PPP2R5C: variants seen among roughly 807,000 people sequenced by gnomAD.
PPP2R5C encodes protein phosphatase 2 regulatory subunit B'gamma, also known as serine/threonine-protein phosphatase 2A 56 kDa regulatory subunit gamma isoform.
A neutral mutation model predicts 68.9 loss-of-function variants in PPP2R5C; 7 were observed. That is an observed-to-expected ratio of 0.10 (90% CI 0.06 to 0.19). PPP2R5C has a LOEUF of 0.19. PPP2R5C is among the 10% of genes least tolerant of loss of function. The pLI, the probability that PPP2R5C is intolerant of heterozygous loss-of-function variation, is 1.00. For missense variants in PPP2R5C, 348 were observed against 641.3 expected (o/e 0.54, Z 4.94); for synonymous variants, 210 against 222.2 (o/e 0.95, Z 0.49).
At chr14:101,909,002 G>A (rs946060107) in intron 10 of PPP2R5C, among the ~76,000 whole-genome samples, 3 of 152,194 alleles carry the variant, frequency 2.0e-5, no homozygotes, top group African/African-American at 4.8e-5. Context: ...GTCTGCTGGG[G>A]GATCGGGGCT....
At chr14:101,905,524 G>A (rs1356144453) in intron 9 of PPP2R5C, among the ~76,000 whole-genome samples, 1 of 151,928 alleles carries the variant, frequency 6.6e-6, no homozygotes, top group African/African-American at 2.4e-5. Context: ...GGGTGTGGTG[G>A]CGTGCGCCTG....
rs2040997892 is a variant in PPP2R5C at position 101,835,067 on chromosome 14, A to G, written c.95-21619A>G. 6.6e-6 allele frequency among the ~76,000 whole-genome samples: 1 copy of G among 152,152 alleles called. No homozygotes were observed. On this transcript the variant is annotated intron_variant, in intron 1 of 13. Coordinates refer to ENST00000334743, the Ensembl canonical transcript of PPP2R5C. This position sits in a 1 kb window ranked among gnomAD's most constrained non-coding sequence, Gnocchi z 5.0. ...AAGCACATTCACAGTAAGGAAAAAAAAAATGCAGCCTGTGTCTTCAGGGAC... is the reference window on the plus strand; with the variant it reads ...AAGCACATTCACAGTAAGGAAAAAAGAAATGCAGCCTGTGTCTTCAGGGAC...
chr14:101,809,405 CAAA>C (rs375238074), upstream of PPP2R5C, among the ~76,000 whole-genome samples: 31 of 136,922 alleles, frequency 2.3e-4, no homozygotes, highest in African/African-American at 6.8e-4. Flanking sequence ...AAAAAAAAAA[CAAA>C]AAAAAAACAC....
chr14:101,828,172 T>C (rs2040515002), intron 1 of PPP2R5C, among the ~76,000 whole-genome samples: 1 of 152,118 alleles, frequency 6.6e-6, no homozygotes, highest in African/African-American at 2.4e-5. Flanking sequence ...ATTCTTTTCA[T>C]GTAAAATGTC....
At chr14:101,761,685 G>A (rs1227042112), upstream of PPP2R5C, 2 of 234,602 alleles carry the variant, frequency 8.5e-6, no homozygotes, top group South Asian at 1.4e-4. Context: ...AGACGCCGCC[G>A]CTGCCGCCGC....
chr14:101,873,190 A>C (rs1475241495), intron 2 of PPP2R5C, among the ~76,000 whole-genome samples: 1 of 152,126 alleles, frequency 6.6e-6, no homozygotes, highest in East Asian at 1.9e-4. Context: ...TACTGTATTC[A>C]TGTCCTTGTC....
At chr14:101,844,374 G>T (rs866485190) in intron 1 of PPP2R5C, among the ~76,000 whole-genome samples, 1 of 152,138 alleles carries the variant, frequency 6.6e-6, no homozygotes, top group East Asian at 1.9e-4. Flanking sequence ...TTCTGATATC[G>T]TGGTTTCTGG....
At chr14:101,827,773 C>T (rs2040484683) in intron 1 of PPP2R5C, among the ~76,000 whole-genome samples, 1 of 152,122 alleles carries the variant, frequency 6.6e-6, no homozygotes, top group Non-Finnish European at 1.5e-5. Flanking sequence ...CTGTGCTGCT[C>T]TTTGACAGGA....
Position 101,921,973 on chromosome 14 carries a change from A to C in PPP2R5C, c.1444-3168A>C, listed in dbSNP as rs1207409617. The C allele has an allele frequency of 5.1e-6, 5 of 983,868 alleles. No individual in the cohort carries two copies. The East Asian group carries it at 5.7e-4, about 112-fold the overall frequency. The allele number at this position is 983,868 out of a possible 1,614,324, so 60.9% of individuals were successfully genotyped here. A position where few individuals can be genotyped will look rare whatever the true frequency, so the allele number is the denominator to read the frequency against. Reference sequence around the variant, plus strand: ...GACATTTTAAATGTTTGCAATTCTCATTTTTAACAGTTGGTCGGGAGAAAA... The same window carrying C: ...GACATTTTAAATGTTTGCAATTCTCCTTTTTAACAGTTGGTCGGGAGAAAA... On this transcript the variant is annotated intron_variant, in intron 13 of 13. Coordinates refer to ENST00000334743, the Ensembl canonical transcript of PPP2R5C.
chr14:101,882,009 G>C lies in PPP2R5C; in HGVS notation c.295-152G>C. 3 of 575,042 alleles carry C rather than the reference G, an allele frequency of 5.2e-6. No individual in the cohort carries two copies. Among genetic ancestry groups the C allele is most frequent in the Non-Finnish European group, 8.8e-6 (3 of 342,564 alleles). The allele number at this position is 575,042 out of a possible 1,614,324, so 35.6% of individuals were successfully genotyped here. On this transcript the variant is annotated intron_variant, in intron 2 of 13. Coordinates refer to ENST00000334743, the Ensembl canonical transcript of PPP2R5C. This position sits in a 1 kb window ranked among gnomAD's most constrained non-coding sequence, Gnocchi z 4.9. ...TGCAGTTTTGATCCAGGCTCTCTCT[G>C]AGGACCCACACAGCTTCTGCGTTTT...
chr14:101,837,342 T>C (rs950753601), intron 1 of PPP2R5C, among the ~76,000 whole-genome samples: 8 of 152,024 alleles, frequency 5.3e-5, no homozygotes, highest in African/African-American at 1.5e-4. Flanking sequence ...AGATGGGGTT[T>C]CTCCATGTCA....
chr14:101,845,679 A>G (rs2041783161), intron 1 of PPP2R5C, among the ~76,000 whole-genome samples: 1 of 152,194 alleles, frequency 6.6e-6, no homozygotes, highest in African/African-American at 2.4e-5. Flanking sequence ...TTCATATGCA[A>G]ATAAAACCAG....
intron 2 of PPP2R5C, among the ~76,000 whole-genome samples, chr14:101,784,486 C>T (rs541344125): frequency 6.0e-5 from 9 of 150,126 alleles, no homozygotes; most frequent in African/African-American, 9.9e-5. Context: ...ACTTCTTACA[C>T]GGCAGCAGGA....
In PPP2R5C at chr14:101,797,252, C is replaced by T. The variant is rs370724654; in HGVS notation, c.259+11069C>T. The T allele has an allele frequency of 2.2e-4, 100 of 456,088 alleles. 1 individual carries two copies. The highest frequency in any genetic ancestry group is 1.7e-3 in the African/African-American group (87 of 50,208). The allele number at this position is 456,088 out of a possible 1,614,324, so 28.3% of individuals were successfully genotyped here. A position where few individuals can be genotyped will look rare whatever the true frequency, so the allele number is the denominator to read the frequency against. On this transcript the variant is annotated intron_variant, in intron 3 of 14. Coordinates refer to the PPP2R5C transcript ENST00000328724. The surrounding 1 kb of genome is among the most constrained non-coding windows in gnomAD (Gnocchi z 4.2). ...GCACGTGCCAGACCCTCGCTCCCGTCGAAGGCTGATGCCATCCTTCAGTGA... is the reference window on the plus strand; with the variant it reads ...GCACGTGCCAGACCCTCGCTCCCGTTGAAGGCTGATGCCATCCTTCAGTGA...
rs190005489 is a variant in PPP2R5C, at chr14:101,912,552, A to T, written c.1326+79A>T. The T allele has an allele frequency of 7.0e-5, 100 of 1,423,830 alleles. No homozygotes were observed. The East Asian group carries it at 2.6e-3, about 37-fold the overall frequency. The allele number at this position is 1,423,830 out of a possible 1,614,324, so 88.2% of individuals were successfully genotyped here. A position where few individuals can be genotyped will look rare whatever the true frequency, so the allele number is the denominator to read the frequency against. ...TAAGATAGGAATATATGTCTTCACC[A>T]TGGGGGGGGTCTCGATTTCACTAAC... On this transcript the variant is annotated intron_variant, in intron 12 of 13. Coordinates refer to ENST00000334743, the Ensembl canonical transcript of PPP2R5C.
At chr14:101,870,379 G>A (rs1006607209) in intron 2 of PPP2R5C, among the ~76,000 whole-genome samples, 1 of 152,098 alleles carries the variant, frequency 6.6e-6, no homozygotes, top group Non-Finnish European at 1.5e-5. Flanking sequence ...GTTCTTTGGC[G>A]TATGGATTTC....
chr14:101,823,632 A>G (rs2040221495), intron 1 of PPP2R5C: 2 of 436,214 alleles, frequency 4.6e-6, no homozygotes, highest in Non-Finnish European at 6.2e-6. Context: ...GATTAGTCCT[A>G]CTTTGACAGC....
At chr14:101,901,132 AG>A (rs1212444389) in intron 8 of PPP2R5C, among the ~76,000 whole-genome samples, 1 of 152,258 alleles carries the variant, frequency 6.6e-6, no homozygotes, top group East Asian at 1.9e-4. Context: ...AATTTGAGAA[AG>A]AAATGGGTTG....
chr14:101,922,995 C>T (rs929876439), intron 13 of PPP2R5C, among the ~76,000 whole-genome samples: 2 of 152,122 alleles, frequency 1.3e-5, no homozygotes, highest in Non-Finnish European at 2.9e-5. Flanking sequence ...TTGAGCCTTC[C>T]GGGTCTGCCC....
Sources: gnomAD v4.1 joint callset for allele counts (sites outside exome capture counted in the v4.1 genomes callset) on GRCh38, gnomAD v4.1.1 for gene constraint, Gnocchi (gnomAD v3.1) non-coding constraint, MANE v1.5 for transcripts, NCBI Gene and HGNC (gene_info 2026-07-23, HGNC 2026-07-21) for gene names.